Variants in POLH observed in about 807,000 individuals in gnomAD.
POLH encodes the protein DNA polymerase eta transcript.
Under a neutral mutation model 73.6 loss-of-function variants are expected in POLH, and 53 were observed. The observed-to-expected ratio is 0.72, with a 90% CI of 0.58 to 0.91. The LOEUF (loss-of-function observed/expected upper bound fraction) is 0.91. Among genes scored for constraint, POLH ranks in the 40% least tolerant of loss-of-function variants. The probability of loss-of-function intolerance (pLI) is 0.00; values close to 1 mark genes in which losing one functional copy is unlikely to be tolerated. For synonymous variants in POLH, 292 were observed against 308.5 expected, an observed-to-expected ratio of 0.95 and a Z score of 0.56; for missense variants, 768 against 865.4, an observed-to-expected ratio of 0.89 and a Z score of 1.41.
chr6:43,586,580 G>A (rs1190427358), intron 3 of POLH, among the ~76,000 whole-genome samples: 4 of 152,198 alleles, frequency 2.6e-5, no homozygotes, highest in South Asian at 2.1e-4. Flanking sequence ...GAAGACATAC[G>A]ATGAGATTGG....
Position 43,614,157 on chromosome 6 carries a change from T to G in POLH, c.1742T>G (p.Val581Gly), listed in dbSNP as rs773403935. The G allele has an allele frequency of 9.3e-6, 15 of 1,614,140 alleles. No homozygotes were observed. The Admixed American group carries it at 2.3e-4, about 25-fold the overall frequency. Residue 581 changes from valine (V) to glycine (G), a missense_variant, in exon 11 of 11, where the codon GTG becomes GGG. Transcript: ENST00000372236. ...YPGCVPVCEGVSKLEESSKAT... is the reference protein window; with the variant it reads ...YPGCVPVCEGGSKLEESSKAT... ...GGGTGTGTCCCTGTTTGTGAAGGGG[T>G]GTCGAAGCTAGAAGAATCCTCTAAA...
chr6:43,579,898 CT>C (rs112592108), intron 1 of POLH, among the ~76,000 whole-genome samples: 1,692 of 136,862 alleles, frequency 0.012, 16 homozygotes, highest in African/African-American at 0.024. Flanking sequence ...GTGAAAGAAT[CT>C]TTTTTTTTTT....
chr6:43,596,865 A>G (rs9333540), intron 4 of POLH, among the ~76,000 whole-genome samples: 1 of 152,184 alleles, frequency 6.6e-6, no homozygotes, highest in African/African-American at 2.4e-5. Context: ...CCTAAGTCCC[A>G]AGCAACATCT....
chr6:43,597,619 A>G, intron 4 of POLH, 77 bp from the exon 5 acceptor site: 1 of 1,356,076 alleles, frequency 7.4e-7, no homozygotes. Flanking sequence ...CTGTAATCTA[A>G]GCATTTCTAC....
rs373371305 is a variant in POLH, at chr6:43,591,546, T to G, written c.490+4057T>G. On this transcript the variant is annotated intron_variant, in intron 4 of 10. Coordinates refer to ENST00000372236, the MANE Select transcript of POLH (RefSeq NM_006502.3). ...GTTGGTCAGGCTGGTCTCAAACTCC[T>G]GGCATCAAGTTATCCATCTGCCTTG... 3.3e-5 allele frequency among the ~76,000 whole-genome samples: 5 copies of G among 152,262 alleles called. 1 individual carries two copies. In the East Asian group the frequency reaches 9.7e-4, roughly 29 times the overall value.
At chr6:43,583,162 A>G in intron 3 of POLH, 21 bp downstream of exon 3, 1 of 1,611,114 alleles carries the variant, frequency 6.2e-7, no homozygotes, top group Non-Finnish European at 8.5e-7. Flanking sequence ...AACATTATTT[A>G]AGGAGACATA....
Position 43,613,929 on chromosome 6 carries a change from CTCAGGCTCCCAT to C in POLH, c.1515_1526del (p.Gln506_Met509del). 6.2e-7 allele frequency: 1 copy of C among 1,613,918 alleles called. No individual in the cohort carries two copies. The highest frequency in any genetic ancestry group is 8.5e-7 in the Non-Finnish European group (1 of 1,180,048). On this transcript the variant is annotated inframe_deletion, in exon 11 of 11. Coordinates refer to ENST00000372236, the MANE Select transcript of POLH (RefSeq NM_006502.3). Reference sequence around the variant, plus strand: ...TCGCTTTCATCTCTTACTGCTCCCACTCAGGCTCCCATGAGCAATTCACCATCCAAGCCCTCA... The same window carrying C: ...TCGCTTTCATCTCTTACTGCTCCCACGAGCAATTCACCATCCAAGCCCTCA...
Position 43,597,665 on chromosome 6 carries a change from T to C in POLH, c.491-31T>C, listed in dbSNP as rs199674237. Reference sequence around the variant, plus strand: ...ACAATTAAATAAATAATTTTTTAAATGTCTAAATGTGAGTTCTTAATTCAT... The same window carrying C: ...ACAATTAAATAAATAATTTTTTAAACGTCTAAATGTGAGTTCTTAATTCAT... On this transcript the variant is annotated intron_variant, in intron 4 of 10. Coordinates refer to ENST00000372236, the MANE Select transcript of POLH (RefSeq NM_006502.3). 8.8e-5 allele frequency: 139 copies of C among 1,579,440 alleles called. No individual in the cohort carries two copies. In the African/African-American group the frequency reaches 1.7e-3, roughly 19 times the overall value.
Position 43,618,726 on chromosome 6 carries a change from G to A in POLH, c.*4169G>A, listed in dbSNP as rs1561919184. Among the ~76,000 whole-genome samples the A allele has an allele frequency of 6.6e-6, 1 of 152,168 alleles. No homozygotes were observed. The highest frequency in any genetic ancestry group is 2.4e-5 in the African/African-American group (1 of 41,436). ...GCTCACTGCAACCTCCGCCTCCCGG[G>A]TTCAAGCGATTCTCCTGCATCAGCC... On this transcript the variant is annotated 3_prime_UTR_variant, in exon 11 of 11. Coordinates refer to ENST00000372236, the MANE Select transcript of POLH (RefSeq NM_006502.3).
chr6:43,581,883 C>T (rs1764311683), intron 1 of POLH, among the ~76,000 whole-genome samples: 2 of 148,270 alleles, frequency 1.3e-5, no homozygotes, highest in South Asian at 4.6e-4. Flanking sequence ...CCTTCTAGGG[C>T]CTCCGGCGCC....
intron 10 of POLH, among the ~76,000 whole-genome samples, chr6:43,613,452 C>T (rs1333137259): frequency 6.6e-6 from 1 of 152,080 alleles, no homozygotes; most frequent in Non-Finnish European, 1.5e-5. Flanking sequence ...CTCTGTCATC[C>T]CAGGTCTGTT....
intron 6 of POLH, among the ~76,000 whole-genome samples, chr6:43,602,430 T>C (rs1300153599): frequency 6.6e-6 from 1 of 152,210 alleles, no homozygotes; most frequent in Non-Finnish European, 1.5e-5. Context: ...GATGGATTTA[T>C]AAAAAGGCAT....
At chr6:43,589,282 C>G (rs992500165) in intron 4 of POLH, among the ~76,000 whole-genome samples, 2 of 152,284 alleles carry the variant, frequency 1.3e-5, no homozygotes, top group African/African-American at 4.8e-5. Flanking sequence ...GACCATTTTC[C>G]CTAGTGACAA....
At chr6:43,582,254 A>C in intron 1 of POLH, 62 bp from the exon 2 acceptor site, 1 of 1,474,018 alleles carries the variant, frequency 6.8e-7, no homozygotes. Context: ...ATGGAATTAC[A>C]GTTTTCCCTG....
intron 6 of POLH, among the ~76,000 whole-genome samples, chr6:43,602,379 G>T (rs1317414885): frequency 6.6e-6 from 1 of 152,188 alleles, no homozygotes; most frequent in African/African-American, 2.4e-5. Context: ...TAAATGAATT[G>T]TGCAGTAGAA....
chr6:43,585,808 C>T (rs1764741159), intron 3 of POLH, among the ~76,000 whole-genome samples: 2 of 151,226 alleles, frequency 1.3e-5, no homozygotes, highest in African/African-American at 4.9e-5. Flanking sequence ...ACCGTGCTGG[C>T]TAATTTTATA....
In POLH at chr6:43,587,575, A is replaced by C. The variant is rs62402425; in HGVS notation, c.490+86A>C. On this transcript the variant is annotated intron_variant, in intron 4 of 10. Transcript: ENST00000372236. ...ATGCTGATTCTCCTTGGAATAATTG[A>C]AAGGAAACTTAAACTACAGCCTGAA... The C allele has an allele frequency of 4.1e-3, 3,748 of 924,102 alleles. 15 individuals are homozygous for C. Among genetic ancestry groups the C allele is most frequent in the Non-Finnish European group, 5.8e-3 (3,256 of 565,718 alleles). 57.2% of individuals were successfully genotyped at this position (924,102 alleles called of 1,614,324 possible). A position where few individuals can be genotyped will look rare whatever the true frequency, so the allele number is the denominator to read the frequency against.
Position 43,616,102 on chromosome 6 carries a change from C to T in POLH, c.*1545C>T, listed in dbSNP as rs1451486362. On this transcript the variant is annotated 3_prime_UTR_variant, in exon 11 of 11. Coordinates refer to ENST00000372236, the MANE Select transcript of POLH (RefSeq NM_006502.3). ...AGGAGATCGAGACCACGGTGAAACC[C>T]CGTCTCTACTAAAAAATACAAAAAA... Among the ~76,000 whole-genome samples, 1 of 151,868 alleles carries T rather than the reference C, an allele frequency of 6.6e-6. No homozygotes were observed. Among genetic ancestry groups the T allele is most frequent in the Non-Finnish European group, 1.5e-5 (1 of 67,946 alleles).
At chr6:43,595,001 C>T (rs1212094137) in intron 4 of POLH, among the ~76,000 whole-genome samples, 1 of 152,046 alleles carries the variant, frequency 6.6e-6, no homozygotes, top group Non-Finnish European at 1.5e-5. Flanking sequence ...AGTTTGAGAC[C>T]ATCCTTGGTG....
Sources: gnomAD v4.1 joint callset for allele counts (sites outside exome capture counted in the v4.1 genomes callset) on GRCh38, gnomAD v4.1.1 for gene constraint, MANE v1.5 for transcripts, NCBI Gene and HGNC (gene_info 2026-07-23, HGNC 2026-07-21) for gene names.